RAD51C: variants seen among roughly 807,000 people sequenced by gnomAD.
The protein encoded by RAD51C is DNA repair protein RAD51 homolog 3.
A neutral mutation model predicts 45.0 loss-of-function variants in RAD51C; 42 were observed. The observed-to-expected ratio is 0.93, with a 90% confidence interval of 0.73 to 1.21. The LOEUF is 1.21. Among genes scored for constraint, RAD51C ranks in the 50% most tolerant of loss-of-function variants. The pLI, the probability that RAD51C is intolerant of heterozygous loss-of-function variation, is 0.00. For synonymous variants in RAD51C, 172 were observed against 159.8 expected, an observed-to-expected ratio of 1.08 and a Z score of -0.58; for missense variants, 474 against 452.2, an observed-to-expected ratio of 1.05 and a Z score of -0.44.
chr17:58,699,392 C>T (rs2048133867), intron 3 of RAD51C, among the ~76,000 whole-genome samples: 1 of 151,176 alleles, frequency 6.6e-6, no homozygotes, highest in Non-Finnish European at 1.5e-5. Flanking sequence ...AAATGCTTTT[C>T]ATAAGATTTC....
intron 3 of RAD51C, among the ~76,000 whole-genome samples, chr17:58,702,291 A>G (rs1460496594): frequency 6.6e-6 from 1 of 152,214 alleles, no homozygotes; most frequent in Non-Finnish European, 1.5e-5. Flanking sequence ...CAATGAAGCC[A>G]GTGACTAGAA....
intron 7 of RAD51C, among the ~76,000 whole-genome samples, chr17:58,732,068 T>G (rs28363329): frequency 4.6e-5 from 7 of 152,224 alleles, no homozygotes; most frequent in Non-Finnish European, 5.9e-5. Flanking sequence ...AGCTTTTAAC[T>G]TCTTGATTGT....
intron 5 of RAD51C, among the ~76,000 whole-genome samples, chr17:58,710,508 A>AT (rs1000779484): frequency 2.6e-5 from 4 of 151,602 alleles, no homozygotes; most frequent in Non-Finnish European, 5.9e-5. Flanking sequence ...GGCAAAAAAA[A>AT]AAAAAAAGGA....
At chr17:58,697,492 C>T (rs1422182544) in intron 3 of RAD51C, among the ~76,000 whole-genome samples, 2 of 145,662 alleles carry the variant, frequency 1.4e-5, no homozygotes, top group East Asian at 2.1e-4. Context: ...GCCCAGATTA[C>T]GCCACTGCAC....
chr17:58,704,752 A>G lies in RAD51C; in HGVS notation c.705+1423A>G, dbSNP rs1267759880. Among the ~76,000 whole-genome samples, 21 of 152,154 alleles carry G rather than the reference A, an allele frequency of 1.4e-4. 1 individual carries two copies. Among genetic ancestry groups the G allele is most frequent in the Non-Finnish European group, 2.9e-5 (2 of 68,024 alleles). On this transcript the variant is annotated intron_variant, in intron 4 of 8. Coordinates refer to ENST00000337432, the MANE Select transcript of RAD51C (RefSeq NM_058216.3). ...AAGTGTTAGAATAATTTTTTCTTGA[A>G]CACATATCGCCCTTCAGAAAGACTG... is the stretch of plus-strand genomic sequence containing the variant.
intron 7 of RAD51C, among the ~76,000 whole-genome samples, chr17:58,726,738 TA>T (rs2049168473): frequency 6.6e-6 from 1 of 152,224 alleles, no homozygotes; most frequent in Middle Eastern, 3.4e-3. Context: ...GAAATAGTGT[TA>T]CCAGATGAGA....
chr17:58,700,524 G>T (rs1414519159), intron 3 of RAD51C, among the ~76,000 whole-genome samples: 1 of 151,772 alleles, frequency 6.6e-6, no homozygotes, highest in African/African-American at 2.4e-5. Flanking sequence ...CTCACTGCAA[G>T]CTCTGCCTCC....
At chr17:58,702,603 C>T (rs1049285331) in intron 3 of RAD51C, among the ~76,000 whole-genome samples, 2 of 151,388 alleles carry the variant, frequency 1.3e-5, no homozygotes. Flanking sequence ...TGAGGCAGGA[C>T]AGTCGCTTGA....
intron 5 of RAD51C, among the ~76,000 whole-genome samples, chr17:58,710,515 A>G (rs2048525026): frequency 1.3e-5 from 2 of 150,554 alleles, no homozygotes; most frequent in Non-Finnish European, 3.0e-5. Flanking sequence ...AAAAAAAAAA[A>G]GGACTTTGTT....
chr17:58,707,660 G>C (rs947759786), intron 4 of RAD51C, among the ~76,000 whole-genome samples: 2 of 152,184 alleles, frequency 1.3e-5, no homozygotes, highest in South Asian at 2.1e-4. Flanking sequence ...GTAGTACCTT[G>C]CTTCTCTCAC....
chr17:58,724,386 AT>A (rs1157472921), intron 7 of RAD51C, among the ~76,000 whole-genome samples: 3 of 152,242 alleles, frequency 2.0e-5, no homozygotes, highest in South Asian at 2.1e-4. Context: ...CTTCGAAATA[AT>A]TTATTAGCCA....
chr17:58,701,696 G>A (rs1427070717), intron 3 of RAD51C, among the ~76,000 whole-genome samples: 4 of 150,552 alleles, frequency 2.7e-5, no homozygotes, highest in Admixed American at 1.3e-4. Flanking sequence ...TCAGCCTCCC[G>A]AGTACCTGGG....
chr17:58,704,300 T>C (rs529273935), intron 4 of RAD51C, among the ~76,000 whole-genome samples: 1 of 152,190 alleles, frequency 6.6e-6, no homozygotes, highest in South Asian at 2.1e-4. Context: ...TTTGATGGAG[T>C]CTGGCTCTGT....
intron 8 of RAD51C, among the ~76,000 whole-genome samples, chr17:58,733,685 C>T (rs1025700491): frequency 1.3e-5 from 2 of 152,156 alleles, no homozygotes; most frequent in Non-Finnish European, 1.5e-5. Flanking sequence ...GGTTTATTCT[C>T]TTCATTCACA....
At chr17:58,731,316 A>G (rs1474361115) in intron 7 of RAD51C, among the ~76,000 whole-genome samples, 1 of 150,668 alleles carries the variant, frequency 6.6e-6, no homozygotes, top group East Asian at 2.0e-4. Flanking sequence ...CTGGAGTGCA[A>G]TGGCATGATC....
rs112614103 is a variant in RAD51C, at chr17:58,720,023, G to A, written c.838-723G>A. 2.6e-4 allele frequency among the ~76,000 whole-genome samples: 38 copies of A among 148,782 alleles called. No homozygotes were observed. The South Asian group carries it at 3.0e-3, about 12-fold the overall frequency. On this transcript the variant is annotated intron_variant, in intron 5 of 8. Transcript: ENST00000337432. ...GATCTCCTGACCTCGTGATTCGCCCGTCTTGGCCTCCCAAAGTGCTGGGAT... is the reference window on the plus strand; with the variant it reads ...GATCTCCTGACCTCGTGATTCGCCCATCTTGGCCTCCCAAAGTGCTGGGAT...
rs2049461631 is a variant in RAD51C, at chr17:58,732,343, C to T, written c.966-141C>T. 7.1e-6 allele frequency: 5 copies of T among 705,848 alleles called. No individual in the cohort carries two copies. The Admixed American group carries it at 1.0e-4, about 14-fold the overall frequency. The allele number at this position is 705,848 out of a possible 1,614,324, so 43.7% of individuals were successfully genotyped here. ...TTTGAAGGGTGTATTTTTAATATTT[C>T]TCTCCTTTTTGTGTTCTTAGAGAAA... On this transcript the variant is annotated intron_variant, in intron 7 of 8. Transcript: ENST00000337432.
chr17:58,727,807 G>A (rs2049226078), intron 7 of RAD51C, among the ~76,000 whole-genome samples: 1 of 151,840 alleles, frequency 6.6e-6, no homozygotes, highest in Non-Finnish European at 1.5e-5. Flanking sequence ...CACACCTATA[G>A]TTCTAGCTGT....
intron 5 of RAD51C, among the ~76,000 whole-genome samples, chr17:58,710,317 T>TAAAAAAAA (rs71143280): frequency 3.0e-5 from 2 of 67,426 alleles, no homozygotes; most frequent in Non-Finnish European, 5.4e-5. Flanking sequence ...CTGTCTCTAC[T>TAAAAAAAA]AAAAAAAAAA....
Sources: allele counts gnomAD v4.1 joint callset (sites outside exome capture counted in the v4.1 genomes callset), GRCh38; gene constraint gnomAD v4.1.1; transcripts MANE v1.5; gene names NCBI Gene and HGNC (gene_info 2026-07-23, HGNC 2026-07-21).